Variants in NALF1 observed in about 807,000 individuals in gnomAD.
NALF1 encodes family with sequence similarity 155 member A.
Under a neutral mutation model 48.4 loss-of-function variants are expected in NALF1, and 3 were observed. The ratio of observed to expected loss-of-function variants is 0.06; its 90% CI spans 0.03 to 0.16. NALF1 has a LOEUF of 0.16. Ranked by LOEUF, NALF1 falls within the 10% of genes least tolerant of loss-of-function variation. The probability of loss-of-function intolerance (pLI) is 1.00; values close to 1 mark genes in which losing one functional copy is unlikely to be tolerated. For missense variants in NALF1, 526 were observed against 571.5 expected, an observed-to-expected ratio of 0.92 and a Z score of 0.81; for synonymous variants, 262 against 245.7, an observed-to-expected ratio of 1.07 and a Z score of -0.62.
chr13:107,721,752 G>A (rs947375605), intron 1 of NALF1, among the ~76,000 whole-genome samples: 1 of 152,088 alleles, frequency 6.6e-6, no homozygotes, highest in Admixed American at 6.5e-5. Context: ...TATAATGATC[G>A]TACTGCCTAG....
intron 1 of NALF1, among the ~76,000 whole-genome samples, chr13:107,833,504 A>G (rs1312933333): frequency 6.6e-6 from 1 of 152,054 alleles, no homozygotes; most frequent in Non-Finnish European, 1.5e-5. Context: ...CTACATTCAA[A>G]TCTCCCTATC....
chr13:107,267,216 A>G (rs946707127), intron 1 of NALF1, among the ~76,000 whole-genome samples: 1 of 152,230 alleles, frequency 6.6e-6, no homozygotes, highest in Non-Finnish European at 1.5e-5. Flanking sequence ...GGACCTAACA[A>G]TATGACAGAA....
chr13:107,172,752 T>C (rs1878832971), intron 2 of NALF1, among the ~76,000 whole-genome samples: 1 of 152,132 alleles, frequency 6.6e-6, no homozygotes, highest in Admixed American at 6.5e-5. Flanking sequence ...ATTATAAAAA[T>C]AGAAATCTAG....
intron 1 of NALF1, among the ~76,000 whole-genome samples, chr13:107,636,525 A>T (rs1277578187): frequency 6.6e-6 from 1 of 152,176 alleles, no homozygotes; most frequent in East Asian, 1.9e-4. Flanking sequence ...AACCCTTTTC[A>T]CTATTTCTAA....
intron 1 of NALF1, among the ~76,000 whole-genome samples, chr13:107,490,329 C>T (rs959758442): frequency 2.6e-5 from 4 of 152,098 alleles, no homozygotes; most frequent in Non-Finnish European, 4.4e-5. Context: ...AACCTAAATG[C>T]CCATCAGTGA....
intron 1 of NALF1, among the ~76,000 whole-genome samples, chr13:107,489,033 A>T (rs1416340458): frequency 3.3e-5 from 5 of 152,160 alleles, no homozygotes; most frequent in Non-Finnish European, 5.9e-5. Flanking sequence ...TTGCAACAAA[A>T]ATAATAAAAT....
At chr13:107,268,980 G>C (rs1881099290) in intron 1 of NALF1, among the ~76,000 whole-genome samples, 1 of 151,936 alleles carries the variant, frequency 6.6e-6, no homozygotes, top group Non-Finnish European at 1.5e-5. Context: ...TATCTCTCTG[G>C]GTGTAGAGTG....
chr13:107,417,742 C>CT, intron 1 of NALF1, among the ~76,000 whole-genome samples: 1 of 152,098 alleles, frequency 6.6e-6, no homozygotes, highest in Non-Finnish European at 1.5e-5. Context: ...GCCTCTGGCT[C>CT]TTTTCCTTCT....
chr13:107,266,003 T>A (rs1294957491), intron 1 of NALF1, among the ~76,000 whole-genome samples: 1 of 152,218 alleles, frequency 6.6e-6, no homozygotes, highest in African/African-American at 2.4e-5. Context: ...TCAAGCTTCC[T>A]GAAAATAGTA....
At chr13:107,317,086 A>G (rs1419395503) in intron 1 of NALF1, among the ~76,000 whole-genome samples, 4 of 152,146 alleles carry the variant, frequency 2.6e-5, no homozygotes, top group South Asian at 4.1e-4. Flanking sequence ...TTGTAGAGAC[A>G]TTAGTAACCA....
chr13:107,864,706 CA>C, intron 1 of NALF1, among the ~76,000 whole-genome samples: 1 of 152,308 alleles, frequency 6.6e-6, no homozygotes, highest in South Asian at 2.1e-4. Flanking sequence ...ATCTTCAGTA[CA>C]GCTCTTGGGT....
intron 1 of NALF1, among the ~76,000 whole-genome samples, chr13:107,491,620 T>A (rs945422367): frequency 6.6e-6 from 1 of 152,092 alleles, no homozygotes; most frequent in African/African-American, 2.4e-5. Context: ...GTGAACATCA[T>A]CAAACCAACC....
At chr13:107,227,059 G>T (rs936956037) in intron 1 of NALF1, among the ~76,000 whole-genome samples, 4 of 152,170 alleles carry the variant, frequency 2.6e-5, no homozygotes, top group African/African-American at 9.7e-5. Flanking sequence ...CAAAACAGAA[G>T]AAAAGTATAG....
chr13:107,715,418 T>A (rs1372687118), intron 1 of NALF1, among the ~76,000 whole-genome samples: 1 of 152,152 alleles, frequency 6.6e-6, no homozygotes, highest in Non-Finnish European at 1.5e-5. Flanking sequence ...ATCAGGCTGG[T>A]CTTGAACTCC....
At chr13:107,782,936 GCCCGGCC>G (rs1566479972) in intron 1 of NALF1, among the ~76,000 whole-genome samples, 10 of 146,268 alleles carry the variant, frequency 6.8e-5, no homozygotes, top group Non-Finnish European at 9.0e-5. Flanking sequence ...GTCACCCCCC[GCCCGGCC>G]AGCCGCCCCG....
chr13:107,848,882 G>A (rs1880242085), intron 1 of NALF1, among the ~76,000 whole-genome samples: 1 of 152,102 alleles, frequency 6.6e-6, no homozygotes, highest in Non-Finnish European at 1.5e-5. Context: ...GACAGGAAAA[G>A]AATTCAGTCA....
At chr13:107,465,835 T>G (rs1884993373) in intron 1 of NALF1, 1 of 152,264 alleles carries the variant, frequency 6.6e-6, no homozygotes, top group Non-Finnish European at 1.5e-5. Context: ...TGGCCCCTTT[T>G]AGCTGTGTCC....
intron 1 of NALF1, among the ~76,000 whole-genome samples, chr13:107,519,237 A>G (rs1304505144): frequency 6.6e-6 from 1 of 152,184 alleles, no homozygotes; most frequent in Non-Finnish European, 1.5e-5. Context: ...GGAAAAAAAA[A>G]TTCTCTGGTC....
chr13:107,273,098 C>T (rs1045358431), intron 1 of NALF1, among the ~76,000 whole-genome samples: 2 of 152,150 alleles, frequency 1.3e-5, no homozygotes, highest in Non-Finnish European at 2.9e-5. Context: ...CTAGGAAGAA[C>T]GTTCTGAGCT....
Sources: allele counts gnomAD v4.1 joint callset (sites outside exome capture counted in the v4.1 genomes callset), GRCh38; gene constraint gnomAD v4.1.1; transcripts MANE v1.5; gene names NCBI Gene and HGNC (gene_info 2026-07-23, HGNC 2026-07-21).